The following HCLS1 variants were observed in gnomAD, a reference collection of about 807,000 sequenced individuals.
HCLS1 encodes the protein hematopoietic cell-specific Lyn substrate 1, also known as hematopoietic lineage cell-specific protein.
HCLS1 carries 44 observed loss-of-function variants against 68.6 expected under a neutral mutation model. That is an observed-to-expected ratio of 0.64 (90% CI 0.50 to 0.82). The LOEUF is 0.82. HCLS1 is among the 40% of genes least tolerant of loss of function. The pLI is 0.00. For missense variants in HCLS1, 602 were observed against 612.1 expected (o/e 0.98, Z 0.17); for synonymous variants, 217 against 225.8 (o/e 0.96, Z 0.35).
intron 3 of HCLS1, among the ~76,000 whole-genome samples, chr3:121,652,021 CTG>C (rs1937761948): frequency 6.6e-6 from 1 of 152,156 alleles, no homozygotes. Context: ...AATAATAAAA[CTG>C]TGACATATCC....
chr3:121,640,270 G>A (rs1387913560), intron 6 of HCLS1, among the ~76,000 whole-genome samples: 6 of 152,014 alleles, frequency 3.9e-5, no homozygotes, highest in East Asian at 1.9e-4. Context: ...AAAAATGTCC[G>A]TTACTATTAA....
At chr3:121,644,321 G>T in intron 5 of HCLS1, 2 of 241,090 alleles carry the variant, frequency 8.3e-6, no homozygotes, top group Non-Finnish European at 1.7e-5. Context: ...GTTTTGTTTT[G>T]TACAAAGGAG....
At chr3:121,647,281 T>G (rs2107472419) in intron 4 of HCLS1, 38 bp downstream of exon 4, 1 of 1,610,860 alleles carries the variant, frequency 6.2e-7, no homozygotes, top group Non-Finnish European at 8.5e-7. Flanking sequence ...GCACCCGGCT[T>G]GTATTTTTTT....
chr3:121,656,927 G>A (rs1328407937), intron 3 of HCLS1: 1 of 194,174 alleles, frequency 5.2e-6, no homozygotes, highest in African/African-American at 2.3e-5. Flanking sequence ...TTGCCAGGTA[G>A]ATAGATAGAG....
At position 121,633,162 on chromosome 3, in the gene HCLS1, G is replaced by C; in HGVS notation, c.913C>G (p.Pro305Ala). Residue 305 changes from proline to alanine, a missense_variant, in exon 11 of 14, where the codon CCA becomes GCA. Transcript: ENST00000314583. Reference protein sequence around the residue: ...PKKISSEAWPPVGTPPSSESE... With the variant: ...PKKISSEAWPAVGTPPSSESE... The stretch of plus-strand genomic sequence containing the variant: ...TCTGATGATGGAGGAGTCCCAACTG[G>C]AGGCCAGGCCTGTGGAAAATGAAGC... 3.1e-6 allele frequency: 5 copies of C among 1,605,978 alleles called. No individual in the cohort carries two copies. Among genetic ancestry groups the C allele is most frequent in the South Asian group, 2.2e-5 (2 of 89,676 alleles).
At chr3:121,637,675 C>G (rs1307659494) in intron 6 of HCLS1, among the ~76,000 whole-genome samples, 2 of 152,148 alleles carry the variant, frequency 1.3e-5, no homozygotes, top group Non-Finnish European at 2.9e-5. Flanking sequence ...GGTGCTCATG[C>G]CTGTAATCCC....
Position 121,633,070 on chromosome 3 carries a change from C to A in HCLS1, c.1005G>T (p.Pro335=). The change falls in exon 11 of 14, where the codon CCG becomes CCT. Residue 335 remains proline, a synonymous_variant. Transcript: ENST00000314583. ...GAATCTTTGGGGGTTTGCTTACCTCCGGGAGAGTCTGCCTAATGGGCAGCA... is the reference window on the plus strand; with the variant it reads ...GAATCTTTGGGGGTTTGCTTACCTCAGGGAGAGTCTGCCTAATGGGCAGCA... The part of the protein sequence containing the change: ...VPLLPIRQTL[P]EDNEEPPALP... 6.2e-7 allele frequency: 1 copy of A among 1,605,078 alleles called. No homozygotes were observed. The highest frequency in any genetic ancestry group is 8.5e-7 in the Non-Finnish European group (1 of 1,172,284).
chr3:121,650,286 T>C (rs1273995165), intron 3 of HCLS1, among the ~76,000 whole-genome samples: 1 of 152,136 alleles, frequency 6.6e-6, no homozygotes, highest in Non-Finnish European at 1.5e-5. Context: ...AATCAAAATC[T>C]GAACAGGCAT....
intron 9 of HCLS1, among the ~76,000 whole-genome samples, chr3:121,635,043 A>G (rs992285521): frequency 4.0e-5 from 6 of 151,662 alleles, no homozygotes; most frequent in African/African-American, 2.4e-5. Context: ...CCTCAACCTC[A>G]TCCGAAACTC....
At chr3:121,636,338 G>T in intron 8 of HCLS1, 96 bp downstream of exon 8, 1 of 1,014,242 alleles carries the variant, frequency 9.9e-7, no homozygotes, top group Non-Finnish European at 1.6e-6. Flanking sequence ...CAGCACCACC[G>T]TCCCCTCCCT....
chr3:121,645,061 C>A (rs2049233804), intron 4 of HCLS1, 133 bp from the exon 5 acceptor site: 2 of 672,050 alleles, frequency 3.0e-6, no homozygotes, highest in Non-Finnish European at 5.2e-6. Context: ...GACAGTGGTG[C>A]CAAGGAATAC....
chr3:121,635,434 T>C (rs1037175681), intron 9 of HCLS1, among the ~76,000 whole-genome samples: 4 of 151,914 alleles, frequency 2.6e-5, no homozygotes, highest in Non-Finnish European at 5.9e-5. Context: ...TGCACCTCCA[T>C]GCCTGGCTAA....
At chr3:121,642,303 CAA>C (rs34223359) in intron 6 of HCLS1, among the ~76,000 whole-genome samples, 11 of 127,414 alleles carry the variant, frequency 8.6e-5, no homozygotes, top group African/African-American at 1.2e-4. Flanking sequence ...ACTAAAAATA[CAA>C]AAAAAAAAAA....
chr3:121,645,616 A>G (rs530198200), intron 4 of HCLS1, among the ~76,000 whole-genome samples: 2 of 152,234 alleles, frequency 1.3e-5, no homozygotes, highest in East Asian at 1.9e-4. Context: ...GGGCTACAAC[A>G]GGCCAGCAGT....
At chr3:121,650,239 T>A (rs574019748) in intron 3 of HCLS1, among the ~76,000 whole-genome samples, 30 of 152,316 alleles carry the variant, frequency 2.0e-4, no homozygotes, top group African/African-American at 7.2e-4. Context: ...AAGATGTCAG[T>A]TCTCCCTAAA....
chr3:121,639,078 A>C (rs2049175244), intron 6 of HCLS1, among the ~76,000 whole-genome samples: 1 of 152,084 alleles, frequency 6.6e-6, no homozygotes, highest in African/African-American at 2.4e-5. Flanking sequence ...AAGCTGACAG[A>C]AGTAGAAAGA....
intron 7 of HCLS1, 100 bp downstream of exon 7, chr3:121,637,046 C>A (rs1233448296): frequency 3.8e-6 from 3 of 796,668 alleles, no homozygotes; most frequent in Non-Finnish European, 6.6e-6. Flanking sequence ...CTCTGCACAT[C>A]TGCCCCTCTG....
intron 3 of HCLS1, among the ~76,000 whole-genome samples, chr3:121,650,968 T>C (rs748650183): frequency 1.3e-5 from 2 of 152,096 alleles, no homozygotes; most frequent in African/African-American, 2.4e-5. Flanking sequence ...AAACCCCGTC[T>C]CTACCAAAAA....
At chr3:121,639,680 C>T (rs896123273) in intron 6 of HCLS1, among the ~76,000 whole-genome samples, 1 of 152,138 alleles carries the variant, frequency 6.6e-6, no homozygotes, top group African/African-American at 2.4e-5. Context: ...CCCTGAATAG[C>T]TGGGACCACG....
Sources: allele counts gnomAD v4.1 joint callset (sites outside exome capture counted in the v4.1 genomes callset), GRCh38; gene constraint gnomAD v4.1.1; transcripts MANE v1.5; gene names NCBI Gene and HGNC (gene_info 2026-07-23, HGNC 2026-07-21).